The following GPHN variants were observed in gnomAD, a reference collection of about 807,000 sequenced individuals.
The protein encoded by GPHN is gephyrin.
A neutral mutation model predicts 95.5 loss-of-function variants in GPHN; 17 were observed. That is an observed-to-expected ratio of 0.18 (90% confidence interval 0.12 to 0.27). The LOEUF (loss-of-function observed/expected upper bound fraction) is 0.27. Among genes scored for constraint, GPHN ranks in the 10% least tolerant of loss-of-function variants. The pLI is 1.00. For missense variants in GPHN, 660 were observed against 978.1 expected, an observed-to-expected ratio of 0.67 and a Z score of 4.34; for synonymous variants, 320 against 322.5, an observed-to-expected ratio of 0.99 and a Z score of 0.08.
chr14:66,556,596 CTATT>C (rs1292407570), intron 1 of GPHN, among the ~76,000 whole-genome samples: 1 of 152,074 alleles, frequency 6.6e-6, no homozygotes, highest in Non-Finnish European at 1.5e-5. Context: ...TGAAATGAAA[CTATT>C]TATATTCACA....
At chr14:66,791,164 A>T (rs2059956991) in intron 3 of GPHN, among the ~76,000 whole-genome samples, 1 of 152,028 alleles carries the variant, frequency 6.6e-6, no homozygotes, top group Non-Finnish European at 1.5e-5. Flanking sequence ...CCAAGTTGGG[A>T]CTCAAACCCA....
At chr14:67,732,126 C>CAA in the GPHN span, among the ~76,000 whole-genome samples, 66 of 77,188 alleles carry the variant, frequency 8.6e-4, no homozygotes, top group East Asian at 1.2e-3. Flanking sequence ...GACTCTGTCT[C>CAA]AAAAAAAAAA....
the GPHN span, chr14:67,674,301 A>G: frequency 3.7e-6 from 5 of 1,364,610 alleles, no homozygotes; most frequent in African/African-American, 1.5e-5. Context: ...CGGGTCTGGG[A>G]GGAAGGTGGG....
chr14:67,643,292 CAAA>C, the GPHN span, among the ~76,000 whole-genome samples: 572 of 152,232 alleles, frequency 3.8e-3, 2 homozygotes, highest in African/African-American at 0.012. Flanking sequence ...ATGGAATAAA[CAAA>C]AATATTGAAT....
intron 1 of GPHN, among the ~76,000 whole-genome samples, chr14:66,676,107 C>G (rs929399513): frequency 3.9e-5 from 6 of 151,962 alleles, no homozygotes; most frequent in African/African-American, 1.4e-4. Context: ...GTTTAGTCAT[C>G]ATCTGACTAG....
chr14:67,654,594 A>G, the GPHN span, among the ~76,000 whole-genome samples: 1 of 152,186 alleles, frequency 6.6e-6, no homozygotes, highest in Non-Finnish European at 1.5e-5. Flanking sequence ...CTTAATGGAG[A>G]ACTGAAGCTA....
chr14:67,621,068 C>A, the GPHN span: 2 of 1,076,442 alleles, frequency 1.9e-6, no homozygotes, highest in African/African-American at 1.6e-5. Flanking sequence ...TGTTTGGGAA[C>A]AGTCTGCCAC....
At chr14:66,994,845 T>C (rs2071677911) in intron 9 of GPHN, among the ~76,000 whole-genome samples, 1 of 152,218 alleles carries the variant, frequency 6.6e-6, no homozygotes, top group Non-Finnish European at 1.5e-5. Flanking sequence ...TATGATACTT[T>C]TTAGCACAAA....
the GPHN span, among the ~76,000 whole-genome samples, chr14:67,505,518 A>T: frequency 6.6e-6 from 1 of 151,974 alleles, no homozygotes; most frequent in Non-Finnish European, 1.5e-5. Context: ...GTGCCCAGGG[A>T]TGTGTGATTG....
At chr14:67,590,041 T>G in the GPHN span, 1 of 1,536,568 alleles carries the variant, frequency 6.5e-7, no homozygotes, top group South Asian at 1.2e-5. Context: ...AAGAGTCATC[T>G]CCCATGGAAG....
rs542271560 is a variant in GPHN at position 66,721,648 on chromosome 14, C to T, written c.143+40463C>T. Among the ~76,000 whole-genome samples, 21 of 152,044 alleles carry T rather than the reference C, an allele frequency of 1.4e-4. No homozygotes were observed. In the South Asian group the frequency reaches 4.2e-3, roughly 30 times the overall value. ...CAATGTTAATTTAAAGTCAAAGATA[C>T]GTTATGTAGAATTTGATTTGGGCCG... On this transcript the variant is annotated intron_variant, in intron 2 of 22. Coordinates refer to ENST00000478722, the MANE Select transcript of GPHN (RefSeq NM_020806.5).
chr14:66,508,729 A>T (rs1594762914), intron 1 of GPHN, 138 bp downstream of exon 1: 1 of 752,570 alleles, frequency 1.3e-6, no homozygotes. Flanking sequence ...TGCATTTTAC[A>T]ACCGCTGAGA....
intron 12 of GPHN, among the ~76,000 whole-genome samples, chr14:67,091,690 A>T (rs1040898337): frequency 3.5e-5 from 5 of 140,850 alleles, no homozygotes; most frequent in African/African-American, 5.0e-5. Context: ...CAGCTCAATT[A>T]AAAAAAAAAA....
the GPHN span, chr14:67,345,816 C>T: frequency 1.2e-6 from 2 of 1,614,112 alleles, no homozygotes; most frequent in Non-Finnish European, 1.7e-6. Flanking sequence ...TGGCATAATT[C>T]CTCTTTAATT....
At chr14:67,106,218 A>T (rs1370195176) in intron 13 of GPHN, among the ~76,000 whole-genome samples, 4 of 152,070 alleles carry the variant, frequency 2.6e-5, no homozygotes, top group Non-Finnish European at 5.9e-5. Context: ...TGAAGATGTT[A>T]TCTCCTTTCT....
chr14:67,053,068 A>T (rs186502939), intron 10 of GPHN, among the ~76,000 whole-genome samples: 10 of 151,558 alleles, frequency 6.6e-5, no homozygotes, highest in Admixed American at 6.6e-4. Context: ...GAAAAAAAAA[A>T]GGCCAAAGCT....
chr14:66,877,617 A>G (rs957529144), intron 4 of GPHN, among the ~76,000 whole-genome samples: 2 of 152,214 alleles, frequency 1.3e-5, no homozygotes, highest in Non-Finnish European at 1.5e-5. Context: ...CCAAATCATG[A>G]GTGAACTCCC....
At chr14:66,965,483 A>G (rs562226091) in intron 9 of GPHN, among the ~76,000 whole-genome samples, 158 bp downstream of exon 9, 2 of 152,298 alleles carry the variant, frequency 1.3e-5, no homozygotes, top group African/African-American at 4.8e-5. Context: ...TGTGTCACAA[A>G]TTGTCATATT....
the GPHN span, chr14:67,651,300 G>C: frequency 3.1e-6 from 5 of 1,605,644 alleles, no homozygotes; most frequent in South Asian, 5.6e-5. Context: ...GCCCACAGCA[G>C]CAATATGCTT....
Sources: allele counts gnomAD v4.1 joint callset (sites outside exome capture counted in the v4.1 genomes callset), GRCh38; gene constraint gnomAD v4.1.1; transcripts MANE v1.5; gene names NCBI Gene and HGNC (gene_info 2026-07-23, HGNC 2026-07-21).